Variants in CLIC5 observed in about 807,000 individuals in gnomAD.
CLIC5 encodes the protein CLIC family member 5.
CLIC5 carries 20 observed loss-of-function variants against 24.7 expected under a neutral mutation model. That is an observed-to-expected ratio of 0.81 (90% CI 0.57 to 1.18). The LOEUF is 1.18. Ranked by LOEUF, CLIC5 falls within the 50% of genes most tolerant of loss-of-function variation. The pLI, the probability that CLIC5 is intolerant of heterozygous loss-of-function variation, is 0.00. For synonymous variants in CLIC5, 159 were observed against 135.6 expected (o/e 1.17, Z -1.20); for missense variants, 341 against 326.1 (o/e 1.05, Z -0.35).
At chr6:45,909,905 C>A (rs932689922) in intron 5 of CLIC5, among the ~76,000 whole-genome samples, 4 of 152,212 alleles carry the variant, frequency 2.6e-5, no homozygotes, top group African/African-American at 9.7e-5. Flanking sequence ...AGATCAGTCA[C>A]TCTGGGCTTT....
chr6:45,902,985 A>G lies in CLIC5; in HGVS notation c.*103T>C. On this transcript the variant is annotated 3_prime_UTR_variant, in exon 6 of 6. Coordinates refer to ENST00000339561, the MANE Select transcript of CLIC5 (RefSeq NM_016929.5). Reference sequence around the variant, plus strand: ...ACCAGCAAGATGAGGCTTGATTATAAAAAGTGCGCCTCAAGGCAGTGATAC... The same window carrying G: ...ACCAGCAAGATGAGGCTTGATTATAGAAAGTGCGCCTCAAGGCAGTGATAC... 7.8e-7 allele frequency: 1 copy of G among 1,289,936 alleles called. No homozygotes were observed. The highest frequency in any genetic ancestry group is 1.1e-6 in the Non-Finnish European group (1 of 914,496). The allele number at this position is 1,289,936 out of a possible 1,614,324, so 79.9% of individuals were successfully genotyped here.
intron 3 of CLIC5, 98 bp from the exon 4 acceptor site, chr6:45,941,751 G>T: frequency 1.1e-6 from 1 of 923,974 alleles, no homozygotes; most frequent in Non-Finnish European, 1.8e-6. Context: ...TCCCTTTCCA[G>T]CTGCATCTAC....
chr6:46,127,281 A>ATTTGTG, the CLIC5 span, among the ~76,000 whole-genome samples: 2 of 152,188 alleles, frequency 1.3e-5, no homozygotes, highest in Admixed American at 6.5e-5. Flanking sequence ...AAATACATTT[A>ATTTGTG]ACTATAGTCA....
chr6:46,017,011 C>G (rs1292703419), upstream of CLIC5, among the ~76,000 whole-genome samples: 1 of 152,200 alleles, frequency 6.6e-6, no homozygotes. Context: ...TATCAAACAT[C>G]TTTTGGTTGG....
chr6:46,118,332 T>G, the CLIC5 span, among the ~76,000 whole-genome samples: 1 of 152,208 alleles, frequency 6.6e-6, no homozygotes, highest in Non-Finnish European at 1.5e-5. Flanking sequence ...AACACAGGGC[T>G]CCTACATGGT....
intron 2 of CLIC5, among the ~76,000 whole-genome samples, chr6:45,952,012 C>A (rs937564341): frequency 6.6e-6 from 1 of 152,206 alleles, no homozygotes; most frequent in Middle Eastern, 3.2e-3. Flanking sequence ...TCATTTTAGA[C>A]AATGAAAGGA....
chr6:45,891,633 C>A (rs201033992), intron 6 of CLIC5, among the ~76,000 whole-genome samples: 465 of 126,238 alleles, frequency 3.7e-3, no homozygotes, highest in Middle Eastern at 8.9e-3. Flanking sequence ...GATTTCATTT[C>A]AAAAAAAAAA....
rs183814536 is a variant in CLIC5 at position 45,917,892 on chromosome 6, C to T, written c.407-3483G>A. 1.3e-3 allele frequency among the ~76,000 whole-genome samples: 197 copies of T among 152,298 alleles called. 2 individuals are homozygous for T. The highest frequency in any genetic ancestry group is 4.6e-3 in the African/African-American group (190 of 41,548). ...TGTTAATTCTTTGTGTTTAATTCCT[C>T]GTAAATATTTGATATCCTCACTCCA... On this transcript the variant is annotated intron_variant, in intron 4 of 5. Transcript: ENST00000339561.
intron 1 of CLIC5, among the ~76,000 whole-genome samples, chr6:46,076,218 T>C (rs1003697983): frequency 2.6e-5 from 4 of 152,136 alleles, no homozygotes; most frequent in African/African-American, 7.2e-5. Context: ...TCCAGCCTCA[T>C]CTCCTACCAC....
chr6:45,984,667 C>T lies in CLIC5; in HGVS notation c.64-29423G>A, dbSNP rs571731767. 5.9e-4 allele frequency among the ~76,000 whole-genome samples: 90 copies of T among 152,284 alleles called. 3 individuals carry two copies. In the South Asian group the frequency reaches 0.017, roughly 29 times the overall value. On this transcript the variant is annotated intron_variant, in intron 1 of 5. Coordinates refer to ENST00000339561, the MANE Select transcript of CLIC5 (RefSeq NM_016929.5). The stretch of plus-strand genomic sequence containing the variant: ...AAGGCTTTCATGGTCTTCTTGCCTT[C>T]GCTGGGGCTAGTTACCCACAAAATG...
At chr6:45,922,892 C>A (rs1431521308) in intron 4 of CLIC5, among the ~76,000 whole-genome samples, 3 of 150,328 alleles carry the variant, frequency 2.0e-5, no homozygotes, top group Non-Finnish European at 4.4e-5. Context: ...GCAGAGCTAG[C>A]GAGCTCAGGA....
At chr6:45,955,774 T>C (rs578169262) in intron 1 of CLIC5, among the ~76,000 whole-genome samples, 1 of 150,456 alleles carries the variant, frequency 6.6e-6, no homozygotes, top group South Asian at 2.1e-4. Context: ...AATATAAATA[T>C]CTCAGACTTT....
At chr6:45,907,375 C>T (rs2127298716) in intron 5 of CLIC5, among the ~76,000 whole-genome samples, 1 of 152,274 alleles carries the variant, frequency 6.6e-6, no homozygotes, top group Admixed American at 6.5e-5. Context: ...AAGAAGAAGC[C>T]TATTTGATCA....
chr6:45,950,300 C>T (rs1289013791), intron 2 of CLIC5, among the ~76,000 whole-genome samples: 1 of 152,102 alleles, frequency 6.6e-6, no homozygotes, highest in Non-Finnish European at 1.5e-5. Flanking sequence ...GTGGCTCATG[C>T]CTGTAATCCC....
upstream of CLIC5, among the ~76,000 whole-genome samples, chr6:46,019,104 T>C (rs561502402): frequency 6.8e-6 from 1 of 146,740 alleles, no homozygotes; most frequent in South Asian, 2.1e-4. Context: ...AGCCAACAGA[T>C]AAGCTAAAAT....
chr6:46,056,449 C>T (rs929996831), intron 1 of CLIC5, among the ~76,000 whole-genome samples: 9 of 152,122 alleles, frequency 5.9e-5, no homozygotes, highest in South Asian at 2.1e-4. Context: ...ACTGCACCCC[C>T]GACAAACTAG....
At chr6:46,072,040 C>G (rs1456200036) in intron 1 of CLIC5, among the ~76,000 whole-genome samples, 1 of 151,916 alleles carries the variant, frequency 6.6e-6, no homozygotes, top group African/African-American at 2.4e-5. Context: ...ATGATGAGAA[C>G]ACACAGACAA....
chr6:46,056,001 G>A (rs1768239082), intron 1 of CLIC5, among the ~76,000 whole-genome samples: 1 of 152,166 alleles, frequency 6.6e-6, no homozygotes, highest in South Asian at 2.1e-4. Context: ...TTCTCTGAGT[G>A]TATGGTAGTG....
chr6:46,065,075 G>A (rs1040385441), intron 1 of CLIC5, among the ~76,000 whole-genome samples: 2 of 152,096 alleles, frequency 1.3e-5, no homozygotes, highest in African/African-American at 4.8e-5. Flanking sequence ...AAATTTAATA[G>A]TAATAAGATC....
Sources: gnomAD v4.1 joint callset for allele counts (sites outside exome capture counted in the v4.1 genomes callset) on GRCh38, gnomAD v4.1.1 for gene constraint, MANE v1.5 for transcripts, NCBI Gene and HGNC (gene_info 2026-07-23, HGNC 2026-07-21) for gene names.